The following RASEF variants were observed in gnomAD, a reference collection of about 807,000 sequenced individuals.
RASEF encodes RAS and EF-hand domain containing, also known as ras and EF-hand domain-containing protein.
In RASEF, 68 loss-of-function variants were observed where a neutral mutation model predicts 90.1. That is an observed-to-expected ratio of 0.75 (90% CI 0.62 to 0.92). The LOEUF (loss-of-function observed/expected upper bound fraction) is 0.92. RASEF is among the 40% of genes least tolerant of loss of function. The pLI, the probability that RASEF is intolerant of heterozygous loss-of-function variation, is 0.00. For missense variants in RASEF, 949 were observed against 937.2 expected (o/e 1.01, Z -0.16); for synonymous variants, 331 against 345.2 (o/e 0.96, Z 0.46).
the RASEF span, among the ~76,000 whole-genome samples, chr9:83,131,199 C>T: frequency 3.5e-4 from 54 of 152,242 alleles, no homozygotes; most frequent in African/African-American, 1.3e-3. Context: ...ATGAACAAAA[C>T]AGTCATGTGG....
At chr9:83,134,569 A>T in the RASEF span, among the ~76,000 whole-genome samples, 2 of 152,128 alleles carry the variant, frequency 1.3e-5, no homozygotes, top group African/African-American at 2.4e-5. Context: ...CATAGATTTT[A>T]AAAAATTACT....
the RASEF span, among the ~76,000 whole-genome samples, chr9:83,175,971 T>C: frequency 6.6e-6 from 1 of 152,220 alleles, no homozygotes; most frequent in Non-Finnish European, 1.5e-5. Flanking sequence ...GAGAAGAATG[T>C]GTATTCTGCT....
At chr9:83,174,994 A>G in the RASEF span, among the ~76,000 whole-genome samples, 6 of 152,246 alleles carry the variant, frequency 3.9e-5, no homozygotes, top group South Asian at 1.0e-3. Flanking sequence ...AAACTCATTT[A>G]TTAGTTCTAC....
At chr9:83,020,502 C>T (rs1368007256) in intron 3 of RASEF, among the ~76,000 whole-genome samples, 1 of 152,166 alleles carries the variant, frequency 6.6e-6, no homozygotes, top group Non-Finnish European at 1.5e-5. Flanking sequence ...AACAAGTTTC[C>T]TCGCAGTGCC....
At chr9:83,141,143 CA>C in the RASEF span, among the ~76,000 whole-genome samples, 1,215 of 108,842 alleles carry the variant, frequency 0.011, 11 homozygotes, top group African/African-American at 0.035. Flanking sequence ...AATTCCATCT[CA>C]AAAAAAAAAA....
At chr9:83,213,058 G>A in the RASEF span, among the ~76,000 whole-genome samples, 1 of 148,272 alleles carries the variant, frequency 6.7e-6, no homozygotes, top group African/African-American at 2.5e-5. Context: ...CTTTTAGTAC[G>A]ATAAACCGGG....
rs1273404983 is a variant in RASEF at position 82,997,072 on chromosome 9, C to T, written c.1860G>A (p.Leu620=). 6.2e-7 allele frequency: 1 copy of T among 1,613,722 alleles called. No homozygotes were observed. Among genetic ancestry groups the T allele is most frequent in the Non-Finnish European group, 8.5e-7 (1 of 1,179,646 alleles). The change falls in exon 14 of 17, where the codon CTG becomes CTA. Residue 620 remains leucine, a synonymous_variant. Coordinates refer to ENST00000376447, the MANE Select transcript of RASEF (RefSeq NM_152573.4). ...AGCTTTTCTCACATGTAACATCATACAGCAGCAAAACACCATCTGCCTTTC... is the reference window on the plus strand; with the variant it reads ...AGCTTTTCTCACATGTAACATCATATAGCAGCAAAACACCATCTGCCTTTC... The part of the protein sequence containing the change: ...YFRKADGVLL[L]YDVTCEKSFL...
intron 3 of RASEF, among the ~76,000 whole-genome samples, chr9:83,019,761 T>C (rs1158531580): frequency 6.6e-6 from 1 of 152,194 alleles, no homozygotes; most frequent in Non-Finnish European, 1.5e-5. Flanking sequence ...GAACAAACTA[T>C]TAATTACACG....
upstream of RASEF, among the ~76,000 whole-genome samples, chr9:83,067,732 A>G (rs1362500855): frequency 6.6e-6 from 1 of 152,234 alleles, no homozygotes; most frequent in Non-Finnish European, 1.5e-5. Flanking sequence ...ATTAGAACTG[A>G]GCAAGAAGTA....
At chr9:83,070,841 T>C in the RASEF span, among the ~76,000 whole-genome samples, 1 of 152,178 alleles carries the variant, frequency 6.6e-6, no homozygotes, top group African/African-American at 2.4e-5. Context: ...CTTTCACATA[T>C]TTTGTTAAAT....
At chr9:82,995,148 A>G in intron 14 of RASEF, among the ~76,000 whole-genome samples, 1 of 152,242 alleles carries the variant, frequency 6.6e-6, no homozygotes. Context: ...CAATGGCGGA[A>G]AAGATGACAA....
At chr9:83,148,060 G>A in the RASEF span, among the ~76,000 whole-genome samples, 1 of 151,908 alleles carries the variant, frequency 6.6e-6, no homozygotes. Context: ...AATTGGGTGT[G>A]AAAAGAGGAA....
intron 1 of RASEF, among the ~76,000 whole-genome samples, chr9:83,037,246 C>T (rs537392440): frequency 8.6e-5 from 13 of 151,938 alleles, no homozygotes; most frequent in Admixed American, 2.0e-4. Context: ...ATTGCCTGCA[C>T]TAGCAGAAGA....
Position 82,989,606 on chromosome 9 carries a change from CTAAAAT to C in RASEF, c.2117+779_2117+784del, listed in dbSNP as rs199752362. Reference sequence around the variant, plus strand: ...CTAGCAGAAAAGGCCAATTATCATACTAAAATTAAGATTCTTATAAAACCTTACAAA... The same window carrying C: ...CTAGCAGAAAAGGCCAATTATCATACTAAGATTCTTATAAAACCTTACAAA... On this transcript the variant is annotated intron_variant, in intron 16 of 16. Transcript: ENST00000376447. Among the ~76,000 whole-genome samples the C allele has an allele frequency of 3.7e-3, 567 of 152,198 alleles. 1 individual carries two copies. Among genetic ancestry groups the C allele is most frequent in the African/African-American group, 0.013 (521 of 41,530 alleles).
At chr9:83,094,032 T>G in the RASEF span, among the ~76,000 whole-genome samples, 3 of 152,266 alleles carry the variant, frequency 2.0e-5, no homozygotes, top group Admixed American at 2.0e-4. Flanking sequence ...ATGGGTCATC[T>G]ATTATAAATC....
At chr9:83,020,204 G>A (rs1829416307) in intron 3 of RASEF, among the ~76,000 whole-genome samples, 2 of 152,210 alleles carry the variant, frequency 1.3e-5, no homozygotes, top group African/African-American at 4.8e-5. Context: ...CAGGAGCAGG[G>A]CAGGGCATCA....
the RASEF span, among the ~76,000 whole-genome samples, chr9:83,144,391 G>GAAAGAAAAGAAA: frequency 1.9e-3 from 62 of 33,238 alleles, 5 homozygotes; most frequent in African/African-American, 6.1e-3. Context: ...AAGAAAGAAA[G>GAAAGAAAAGAAA]GAAAGAAAGA....
the RASEF span, among the ~76,000 whole-genome samples, chr9:83,137,163 T>G: frequency 6.6e-6 from 1 of 152,146 alleles, no homozygotes; most frequent in Non-Finnish European, 1.5e-5. Flanking sequence ...CAATTCTTCC[T>G]TCTTTCATCT....
At chr9:83,190,640 C>G in the RASEF span, among the ~76,000 whole-genome samples, 1 of 152,178 alleles carries the variant, frequency 6.6e-6, no homozygotes, top group Non-Finnish European at 1.5e-5. Flanking sequence ...TAAAGGGTAT[C>G]TAAATAAGAG....
Sources: allele counts gnomAD v4.1 joint callset (sites outside exome capture counted in the v4.1 genomes callset), GRCh38; gene constraint gnomAD v4.1.1; transcripts MANE v1.5; gene names NCBI Gene and HGNC (gene_info 2026-07-23, HGNC 2026-07-21).